SRRM2: variants seen among roughly 807,000 people sequenced by gnomAD.
SRRM2 encodes the protein serine/arginine repetitive matrix protein 2.
Under a neutral mutation model 213.8 loss-of-function variants are expected in SRRM2, and 30 were observed. That is an observed-to-expected ratio of 0.14 (90% CI 0.10 to 0.19). SRRM2 has a LOEUF of 0.19. SRRM2 is among the 10% of genes least tolerant of loss of function. SRRM2 has a pLI of 1.00. For synonymous variants in SRRM2, 2,025 were observed against 1,377.7 expected (o/e 1.47, Z -10.40); for missense variants, 4,904 against 3,647.0 (o/e 1.34, Z -8.88).
rs1250273680 is a variant in SRRM2 at position 2,762,660 on chromosome 16, G to T, written c.2132G>T (p.Gly711Val). 2 of 1,614,030 alleles carry T rather than the reference G, an allele frequency of 1.2e-6. No homozygotes were observed. Among genetic ancestry groups the T allele is most frequent in the South Asian group, 1.1e-5 (1 of 91,076 alleles). ...CGCAGTAGAAGCTTAGTTAGACGTG[G>T]AAGATCTCACTCTAGAACACCTCAA... ...RSRSRSLVRRGRSHSRTPQRR... is the reference protein window; with the variant it reads ...RSRSRSLVRRVRSHSRTPQRR... The change falls in exon 11 of 15, where the codon GGA becomes GTA. Residue 711 changes from glycine (G) to valine (V), a missense_variant. By Grantham distance (109) the Gly-to-Val change is moderately radical (BLOSUM62 -3). Transcript: ENST00000301740.
chr16:2,770,694 G>A lies in SRRM2; in HGVS notation c.8226G>A (p.Arg2742=), dbSNP rs893843278. The change falls in exon 14 of 15, where the codon CGG becomes CGA. Residue 2742 remains arginine (R), a synonymous_variant. Coordinates refer to ENST00000301740, the MANE Select transcript of SRRM2 (RefSeq NM_016333.4). ...HKRRRETPSP[R]PMRHRSSRSP ...GCAGGAGGGAGACACCTAGCCCTCG[G>A]CCCATGAGACACCGCTCCTCCAGGT... 6.4e-7 allele frequency: 1 copy of A among 1,558,690 alleles called. No individual in the cohort carries two copies.
intron 9 of SRRM2, 63 bp from the exon 10 acceptor site, chr16:2,760,238 G>C: frequency 6.6e-7 from 1 of 1,525,230 alleles, no homozygotes; most frequent in Non-Finnish European, 8.9e-7. Context: ...TGGGGAGGGG[G>C]TTTTCTGTTC....
Position 2,763,687 on chromosome 16 carries a change from A to G in SRRM2, c.3159A>G (p.Ser1053=), listed in dbSNP as rs749944440. Residue 1053 remains serine (S), a synonymous_variant, in exon 11 of 15, where the codon TCA becomes TCG. Coordinates refer to ENST00000301740, the MANE Select transcript of SRRM2 (RefSeq NM_016333.4). ...TPPGESYFGV[S]SLQLKGQSQT... Reference sequence around the variant, plus strand: ...CAGGCGAGAGCTATTTTGGTGTCTCATCTCTGCAACTGAAAGGACAATCTC... The same window carrying G: ...CAGGCGAGAGCTATTTTGGTGTCTCGTCTCTGCAACTGAAAGGACAATCTC... 11 of 1,614,098 alleles carry G rather than the reference A, an allele frequency of 6.8e-6. No individual in the cohort carries two copies. The highest frequency in any genetic ancestry group is 2.2e-5 in the East Asian group (1 of 44,898).
rs149805846 is a variant in SRRM2 at position 2,764,015 on chromosome 16, G to C, written c.3487G>C (p.Glu1163Gln). ...GGGGCAGAGTAGATTGGAGACTGCT[G>C]AATCAAAAGAGAAAATGGCCTTACC... The part of the protein sequence containing the change: ...LLGQSRLETA[E>Q]SKEKMALPPQ... The change falls in exon 11 of 15, where the codon GAA (glutamate) becomes CAA (glutamine). Residue 1163 changes from glutamate (E) to glutamine (Q), a missense_variant. Transcript: ENST00000301740. 3.7e-6 allele frequency: 6 copies of C among 1,614,150 alleles called. No homozygotes were observed. The East Asian group carries it at 1.3e-4, about 36-fold the overall frequency.
rs143936083 is a variant in SRRM2 at position 2,759,600 on chromosome 16, C to T, written c.772C>T (p.Arg258Cys). 2.5e-5 allele frequency: 41 copies of T among 1,613,972 alleles called. No individual in the cohort carries two copies. Among genetic ancestry groups the T allele is most frequent in the African/African-American group, 2.5e-4 (19 of 74,866 alleles). The change falls in exon 9 of 15, where the codon CGC becomes TGC. Residue 258 changes from arginine to cysteine, a missense_variant. Coordinates refer to ENST00000301740, the MANE Select transcript of SRRM2 (RefSeq NM_016333.4). ...AAGTACAACACCAGCCCCCAAGAGC[C>T]GCCGGGCCCACCGTTCAACTTCTGC... ...SRSTTPAPKSRRAHRSTSADS... is the reference protein window; with the variant it reads ...SRSTTPAPKSCRAHRSTSADS...
rs1478643026 is a variant in SRRM2 at position 2,762,802 on chromosome 16, G to T, written c.2274G>T (p.Arg758=). ...EMKKSRISSR[R]SRSLSSPRSK... ...AGAAATCTCGCATTTCTTCAAGGCG[G>T]AGCAGGTCTCTCTCTTCACCACGGT... Residue 758 remains arginine (R), a synonymous_variant, in exon 11 of 15, where the codon CGG becomes CGT. Coordinates refer to ENST00000301740, the MANE Select transcript of SRRM2 (RefSeq NM_016333.4). 1.2e-6 allele frequency: 2 copies of T among 1,613,986 alleles called. No individual in the cohort carries two copies. The highest frequency in any genetic ancestry group is 2.7e-5 in the African/African-American group (2 of 74,920).
chr16:2,762,883 C>T lies in SRRM2; in HGVS notation c.2355C>T (p.Cys785=). ...LRRSLSGSSP[C]PKQKSQTPPR... is the part of the protein sequence containing the mutation. ...GCAGCCTTTCAGGGTCTTCCCCATGCCCTAAACAAAAGTCACAGACACCAC... is the reference window on the plus strand; with the variant it reads ...GCAGCCTTTCAGGGTCTTCCCCATGTCCTAAACAAAAGTCACAGACACCAC... Residue 785 remains cysteine (C), a synonymous_variant, in exon 11 of 15, where the codon TGC becomes TGT. Transcript: ENST00000301740. 1 of 1,614,176 alleles carries T rather than the reference C, an allele frequency of 6.2e-7. No homozygotes were observed. The highest frequency in any genetic ancestry group is 8.5e-7 in the Non-Finnish European group (1 of 1,180,020).
Position 2,757,854 on chromosome 16 carries a change from A to G in SRRM2, c.424A>G (p.Ser142Gly). Residue 142 changes from serine (S) to glycine (G), a missense_variant, in exon 4 of 15, where the codon AGT becomes GGT. Transcript: ENST00000301740. Reference sequence around the variant, plus strand: ...AAGACTCCGTGCTGCCTTTGGCATCAGTGATTCTTACGTAGATGGCAGCTC... The same window carrying G: ...AAGACTCCGTGCTGCCTTTGGCATCGGTGATTCTTACGTAGATGGCAGCTC... ...NERLRAAFGISDSYVDGSSFD... is the reference protein window; with the variant it reads ...NERLRAAFGIGDSYVDGSSFD... The G allele has an allele frequency of 6.2e-7, 1 of 1,614,178 alleles. No individual in the cohort carries two copies. Among genetic ancestry groups the G allele is most frequent in the Non-Finnish European group, 8.5e-7 (1 of 1,180,008 alleles).
rs2068733315 is a variant in SRRM2 at position 2,771,116 on chromosome 16, G to A, written c.*249G>A. The A allele has an allele frequency of 1.6e-6, 1 of 609,014 alleles. No individual in the cohort carries two copies. Among genetic ancestry groups the A allele is most frequent in the Non-Finnish European group, 2.9e-6 (1 of 348,488 alleles). 37.7% of individuals were successfully genotyped at this position (609,014 alleles called of 1,614,324 possible). A position where few individuals can be genotyped will look rare whatever the true frequency, so the allele number is the denominator to read the frequency against. On this transcript the variant is annotated 3_prime_UTR_variant, in exon 15 of 15. Transcript: ENST00000301740. ...GGGAGGGAATGCAGATGGGAGTTGG[G>A]GGAGGGGAGGATACAGTTCAGGATA...
Position 2,757,914 on chromosome 16 carries a change from C to G in SRRM2, c.484C>G (p.Gln162Glu). The change falls in exon 4 of 15, where the codon CAA (glutamine) becomes GAA (glutamate). Residue 162 changes from glutamine (Q) to glutamate (E), a missense_variant. Coordinates refer to ENST00000301740, the MANE Select transcript of SRRM2 (RefSeq NM_016333.4). ...DPQRRAREAK[Q>E]PAPEPPKPYS... ...TCAGCGTCGTGCCCGAGAAGCTAAA[C>G]AACCAGCTCCTGAGCCTCCCAAACC... The G allele has an allele frequency of 2.5e-6, 4 of 1,614,144 alleles. No homozygotes were observed. Among genetic ancestry groups the G allele is most frequent in the Non-Finnish European group, 3.4e-6 (4 of 1,180,020 alleles).
chr16:2,770,290 C>G, intron 12 of SRRM2, 62 bp from the exon 13 acceptor site: 1 of 1,499,604 alleles, frequency 6.7e-7, no homozygotes, highest in Non-Finnish European at 9.0e-7. Context: ...GCGGGTGGTC[C>G]TGAGTGCTGG....
At chr16:2,756,116 T>A (rs2068131304) in intron 1 of SRRM2, among the ~76,000 whole-genome samples, 1 of 152,186 alleles carries the variant, frequency 6.6e-6, no homozygotes, top group African/African-American at 2.4e-5. Flanking sequence ...AGAAAGGCTG[T>A]AAGAACTGGG....
chr16:2,771,211 G>C lies in SRRM2; in HGVS notation c.*344G>C. 4.6e-6 allele frequency: 3 copies of C among 655,776 alleles called. No individual in the cohort carries two copies. Among genetic ancestry groups the C allele is most frequent in the Non-Finnish European group, 8.0e-6 (3 of 374,266 alleles). 40.6% of individuals were successfully genotyped at this position (655,776 alleles called of 1,614,324 possible). A position where few individuals can be genotyped will look rare whatever the true frequency, so the allele number is the denominator to read the frequency against. ...TCCAGAAGTTCCCAGGGGTGATTGT[G>C]ATGGTGGTTGGGACTGGAGGTTGTA... On this transcript the variant is annotated 3_prime_UTR_variant, in exon 15 of 15. Coordinates refer to ENST00000301740, the MANE Select transcript of SRRM2 (RefSeq NM_016333.4).
At position 2,762,047 on chromosome 16, in the gene SRRM2, CGATCCCGATCTCCCCAGTGGCGTA is replaced by C; in HGVS notation, c.1521_1544del (p.Pro511_Ser518del). On this transcript the variant is annotated inframe_deletion, in exon 11 of 15. Transcript: ENST00000301740. ...AACCCCTACCAAGAGAGGTCATTCT[CGATCCCGATCTCCCCAGTGGCGTA>C]GGTCCAGGTCTGCACAGAGGTGGGG... 1 of 1,614,232 alleles carries C rather than the reference CGATCCCGATCTCCCCAGTGGCGTA, an allele frequency of 6.2e-7. No homozygotes were observed. Among genetic ancestry groups the C allele is most frequent in the Non-Finnish European group, 8.5e-7 (1 of 1,180,042 alleles).
At chr16:2,753,501 C>A (rs1368326774) in intron 1 of SRRM2, 1 of 152,012 alleles carries the variant, frequency 6.6e-6, no homozygotes, top group Non-Finnish European at 1.5e-5. Context: ...AGAAAGTGAA[C>A]GTGTTCAGTT....
At position 2,766,345 on chromosome 16, in the gene SRRM2, G is replaced by A. The variant is rs749206425; in HGVS notation, c.5817G>A (p.Thr1939=). The A allele has an allele frequency of 1.6e-5, 26 of 1,613,944 alleles. No individual in the cohort carries two copies. The highest frequency in any genetic ancestry group is 2.7e-5 in the African/African-American group (2 of 74,898). The change falls in exon 11 of 15, where the codon ACG becomes ACA. Residue 1939 remains threonine (T), a synonymous_variant. Coordinates refer to ENST00000301740, the MANE Select transcript of SRRM2 (RefSeq NM_016333.4). This position sits in a 1 kb window ranked among gnomAD's most constrained non-coding sequence, Gnocchi z 7.0. Reference sequence around the variant, plus strand: ...CCCGCCGTCGTTCAAGGTCTAGAACGCCAACAACACGCCGCCGCTCCCGTT... The same window carrying A: ...CCCGCCGTCGTTCAAGGTCTAGAACACCAACAACACGCCGCCGCTCCCGTT... ...PVTRRRSRSR[T]PTTRRRSRSR...
intron 2 of SRRM2, among the ~76,000 whole-genome samples, chr16:2,757,235 T>A (rs1044844863): frequency 1.6e-5 from 2 of 125,008 alleles, no homozygotes; most frequent in South Asian, 4.7e-4. Flanking sequence ...CTTGCTTAAC[T>A]TTTTTCTTTT....
At chr16:2,760,232 G>C (rs2068290198) in intron 9 of SRRM2, 69 bp from the exon 10 acceptor site, 2 of 1,480,348 alleles carry the variant, frequency 1.4e-6, no homozygotes. Context: ...GGGAGTTGGG[G>C]AGGGGGTTTT....
intron 5 of SRRM2, 51 bp from the exon 6 acceptor site, chr16:2,758,934 G>A (rs1445044802): frequency 6.2e-7 from 1 of 1,606,352 alleles, no homozygotes; most frequent in Non-Finnish European, 8.5e-7. Context: ...TAAGTGGGAG[G>A]GCCAGGAAAG....
Sources: allele counts gnomAD v4.1 joint callset (sites outside exome capture counted in the v4.1 genomes callset), GRCh38; gene constraint gnomAD v4.1.1; non-coding constraint Gnocchi (gnomAD v3.1); transcripts MANE v1.5; gene names NCBI Gene and HGNC (gene_info 2026-07-23, HGNC 2026-07-21).